Variants in ARMC2 observed in about 807,000 individuals in gnomAD.
The protein encoded by ARMC2 is armadillo repeat-containing protein 2.
In ARMC2, 67 loss-of-function variants were observed where a neutral mutation model predicts 90.3. The ratio of observed to expected loss-of-function variants is 0.74; its 90% confidence interval spans 0.61 to 0.91. ARMC2 has a LOEUF of 0.91. Ranked by LOEUF, ARMC2 falls within the 40% of genes least tolerant of loss-of-function variation. The pLI is 0.00. For synonymous variants in ARMC2, 393 were observed against 393.0 expected (o/e 1.00, Z 0.00); for missense variants, 920 against 1,030.9 (o/e 0.89, Z 1.47).
chr6:108,986,859 T>C, the ARMC2 span: 2 of 152,256 alleles, frequency 1.3e-5, no homozygotes, highest in African/African-American at 2.4e-5. Context: ...GATTGCTTTT[T>C]GAAGAAAATC....
At chr6:108,987,993 C>CA in the ARMC2 span, among the ~76,000 whole-genome samples, 2 of 151,988 alleles carry the variant, frequency 1.3e-5, no homozygotes, top group African/African-American at 4.8e-5. Context: ...TTAGTATCAC[C>CA]ATGTTGGACA....
intron 1 of ARMC2, among the ~76,000 whole-genome samples, chr6:108,852,059 T>C (rs1345989225): frequency 6.6e-6 from 1 of 152,202 alleles, no homozygotes; most frequent in Non-Finnish European, 1.5e-5. Flanking sequence ...GAAAATTTTG[T>C]AAAGTTAGAA....
the ARMC2 span, among the ~76,000 whole-genome samples, chr6:109,025,678 A>G: frequency 6.6e-6 from 1 of 152,030 alleles, no homozygotes; most frequent in Non-Finnish European, 1.5e-5. Flanking sequence ...AATAGTTTTT[A>G]TAATAATTAA....
At chr6:108,987,499 A>G in the ARMC2 span, 12 of 1,086,460 alleles carry the variant, frequency 1.1e-5, no homozygotes, top group Non-Finnish European at 7.1e-6. Context: ...CTTGTAGACT[A>G]TATCTGCTGA....
chr6:108,930,686 T>G (rs995786859), intron 11 of ARMC2, among the ~76,000 whole-genome samples: 7 of 142,456 alleles, frequency 4.9e-5, no homozygotes, highest in Admixed American at 3.7e-4. Context: ...AAGCTTCGCC[T>G]CCCAGGTTCA....
chr6:108,981,658 C>CTT, the ARMC2 span, among the ~76,000 whole-genome samples: 13,145 of 145,860 alleles, frequency 0.09, 783 homozygotes, highest in South Asian at 0.19. Context: ...GATTTCCTTA[C>CTT]TTTTTTTTTT....
the ARMC2 span, among the ~76,000 whole-genome samples, chr6:108,989,393 C>CTA: frequency 6.6e-6 from 1 of 151,598 alleles, no homozygotes; most frequent in Admixed American, 6.6e-5. Flanking sequence ...TTCTCTCTCT[C>CTA]TATATATAGA....
rs1050904165 is a variant in ARMC2 at position 108,907,822 on chromosome 6, C to G, written c.1024-3077C>G. On this transcript the variant is annotated intron_variant, in intron 8 of 17. Coordinates refer to ENST00000392644, the MANE Select transcript of ARMC2 (RefSeq NM_032131.6). Reference sequence around the variant, plus strand: ...TCAAGATCCAGCTTGGCAGCTCCCCCAGTTTGACCTCCAGAAGTTTCTTGT... The same window carrying G: ...TCAAGATCCAGCTTGGCAGCTCCCCGAGTTTGACCTCCAGAAGTTTCTTGT... The G allele has an allele frequency of 9.1e-6, 11 of 1,204,432 alleles. No homozygotes were observed. In the East Asian group the frequency reaches 2.2e-4, roughly 24 times the overall value. 74.6% of individuals were successfully genotyped at this position (1,204,432 alleles called of 1,614,324 possible). A position where few individuals can be genotyped will look rare whatever the true frequency, so the allele number is the denominator to read the frequency against.
intron 10 of ARMC2, among the ~76,000 whole-genome samples, chr6:108,919,980 CAT>C (rs1489590604): frequency 6.6e-6 from 1 of 152,128 alleles, no homozygotes; most frequent in Non-Finnish European, 1.5e-5. Context: ...CCTGTGTACC[CAT>C]CATCCAGCTC....
At chr6:108,958,023 A>G (rs1777718251) in intron 13 of ARMC2, among the ~76,000 whole-genome samples, 4 of 152,082 alleles carry the variant, frequency 2.6e-5, no homozygotes, top group Admixed American at 2.0e-4. Context: ...GAGGTATTGA[A>G]CTTCTCTAAA....
chr6:108,909,483 C>A (rs1773177771), intron 8 of ARMC2, among the ~76,000 whole-genome samples: 1 of 151,654 alleles, frequency 6.6e-6, no homozygotes, highest in Non-Finnish European at 1.5e-5. Context: ...TTCCTTATCA[C>A]CCCATGTTTA....
At chr6:108,970,498 T>C (rs12193948) in intron 17 of ARMC2, among the ~76,000 whole-genome samples, 2,242 of 106,242 alleles carry the variant, frequency 0.021, 60 homozygotes, top group African/African-American at 0.07. Context: ...TCTTTTCTTT[T>C]TTTTTTTTTT....
At chr6:109,039,789 T>A in the ARMC2 span, among the ~76,000 whole-genome samples, 1 of 152,250 alleles carries the variant, frequency 6.6e-6, no homozygotes. Context: ...AAGAACCTTG[T>A]TGATCTTTCT....
chr6:108,875,724 T>C (rs1156585431), intron 4 of ARMC2, among the ~76,000 whole-genome samples: 2 of 152,220 alleles, frequency 1.3e-5, no homozygotes, highest in Non-Finnish European at 2.9e-5. Flanking sequence ...AGATCTATTT[T>C]GATGCACACC....
In ARMC2 at chr6:108,907,868, G is replaced by A; in HGVS notation, c.1024-3031G>A. The A allele has an allele frequency of 6.2e-6, 10 of 1,609,894 alleles. 1 individual carries two copies. Among genetic ancestry groups the A allele is most frequent in the Admixed American group, 5.0e-5 (3 of 60,002 alleles). ...CTTGTCCTTCACTGGTACAACTGACGCTATCTTAGAGTCCTGGTGTCCGCT... is the reference window on the plus strand; with the variant it reads ...CTTGTCCTTCACTGGTACAACTGACACTATCTTAGAGTCCTGGTGTCCGCT... On this transcript the variant is annotated intron_variant, in intron 8 of 17. Coordinates refer to ENST00000392644, the MANE Select transcript of ARMC2 (RefSeq NM_032131.6).
At chr6:108,894,575 C>G (rs544333974) in intron 6 of ARMC2, 32 bp downstream of exon 6, 1 of 1,545,900 alleles carries the variant, frequency 6.5e-7, no homozygotes, top group South Asian at 1.2e-5. Context: ...TCATCTACAG[C>G]ATCTCCACTT....
chr6:108,891,079 ACT>A (rs1254436261), intron 5 of ARMC2, among the ~76,000 whole-genome samples: 1 of 151,830 alleles, frequency 6.6e-6, no homozygotes, highest in African/African-American at 2.4e-5. Flanking sequence ...AAGTACACGA[ACT>A]CATCCTTTTT....
At position 108,868,889 on chromosome 6, in the gene ARMC2, A is replaced by G. The variant is rs1429818468; in HGVS notation, c.357A>G (p.Pro119=). The G allele has an allele frequency of 1.1e-5, 18 of 1,613,986 alleles. No individual in the cohort carries two copies. Among genetic ancestry groups the G allele is most frequent in the Non-Finnish European group, 1.5e-5 (18 of 1,179,898 alleles). The change falls in exon 4 of 18, where the codon CCA becomes CCG. Residue 119 remains proline, a synonymous_variant. Coordinates refer to ENST00000392644, the MANE Select transcript of ARMC2 (RefSeq NM_032131.6). ...EDSCFSFPKP[P]VDPAKIRRVS... ...CCTGCTTTTCCTTTCCTAAGCCCCC[A>G]GTGGACCCTGCGAAGATTAGAAGAG... is the stretch of plus-strand genomic sequence containing the variant.
chr6:108,930,453 G>T (rs1317594628), intron 11 of ARMC2, among the ~76,000 whole-genome samples: 1 of 151,662 alleles, frequency 6.6e-6, no homozygotes, highest in Non-Finnish European at 1.5e-5. Flanking sequence ...TCTTTCTTCT[G>T]ACTTTAAAGG....
Sources: allele counts gnomAD v4.1 joint callset (sites outside exome capture counted in the v4.1 genomes callset), GRCh38; gene constraint gnomAD v4.1.1; transcripts MANE v1.5; gene names NCBI Gene and HGNC (gene_info 2026-07-23, HGNC 2026-07-21).